The following CSMD2 variants were observed in gnomAD, a reference collection of about 807,000 sequenced individuals.
The protein encoded by CSMD2 is CUB and Sushi multiple domains 2.
Under a neutral mutation model 398.5 loss-of-function variants are expected in CSMD2, and 130 were observed. That is an observed-to-expected ratio of 0.33 (90% CI 0.28 to 0.38). The LOEUF is 0.38. CSMD2 is among the 10% of genes least tolerant of loss of function. The pLI is 1.00. For missense variants in CSMD2, 3,829 were observed against 4,764.9 expected, an observed-to-expected ratio of 0.80 and a Z score of 5.78; for synonymous variants, 1,828 against 1,908.5, an observed-to-expected ratio of 0.96 and a Z score of 1.10.
intron 3 of CSMD2, among the ~76,000 whole-genome samples, chr1:33,956,702 T>G (rs955383666): frequency 6.6e-6 from 1 of 152,140 alleles, no homozygotes; most frequent in Non-Finnish European, 1.5e-5. Flanking sequence ...TTGGCTCCTG[T>G]GCTACCTCCG....
chr1:34,032,578 T>G lies in CSMD2; in HGVS notation c.517+16A>C. On this transcript the variant is annotated intron_variant, in intron 3 of 70. Transcript: ENST00000373381. ...TCACATCTCCGGCTCCTGTGGCCGA[T>G]GAGGGAGGCACTTACCTTCATAGGT... 6.6e-7 allele frequency: 1 copy of G among 1,514,200 alleles called. No homozygotes were observed. 93.8% of individuals were successfully genotyped at this position (1,514,200 alleles called of 1,614,324 possible).
chr1:33,906,455 C>T (rs1010451915), intron 5 of CSMD2, among the ~76,000 whole-genome samples: 1 of 152,068 alleles, frequency 6.6e-6, no homozygotes, highest in Non-Finnish European at 1.5e-5. Flanking sequence ...CTATTACATC[C>T]CTCAAAGAAG....
intron 3 of CSMD2, among the ~76,000 whole-genome samples, chr1:33,954,083 G>T (rs1327716631): frequency 6.6e-6 from 1 of 152,080 alleles, no homozygotes; most frequent in Non-Finnish European, 1.5e-5. Context: ...TTGCTATGTG[G>T]ACCCAGGCAG....
Position 33,622,183 on chromosome 1 carries a change from G to T in CSMD2, c.5811C>A (p.Phe1937Leu). The T allele has an allele frequency of 6.2e-7, 1 of 1,613,800 alleles. No individual in the cohort carries two copies. Among genetic ancestry groups the T allele is most frequent in the Non-Finnish European group, 8.5e-7 (1 of 1,179,698 alleles). The change falls in exon 37 of 71, where the codon TTC becomes TTA. Residue 1937 changes from phenylalanine (F) to leucine (L), a missense_variant. Around this residue, in one of 5 missense-constraint regions of CSMD2, gnomAD observed 2,001 missense variants for 2,567.1 expected, o/e 0.78. Transcript: ENST00000373381. ...YSDISVSAAG[F>L]HLEYKTVGLS... ...GATTCTCACTTTTGTACTCCAAGTG[G>T]AAGCCAGCTGCAGATACGCTGATAT...
chr1:33,722,702 G>T (rs1646397815), intron 19 of CSMD2, among the ~76,000 whole-genome samples: 1 of 150,088 alleles, frequency 6.7e-6, no homozygotes. Context: ...TTTCTATTTA[G>T]TATTTGACTT....
chr1:33,875,826 G>A (rs1015617709), intron 5 of CSMD2, among the ~76,000 whole-genome samples: 2 of 152,204 alleles, frequency 1.3e-5, no homozygotes, highest in African/African-American at 4.8e-5. Context: ...GGGCTGTTAA[G>A]TCATCTTTGT....
chr1:33,590,336 A>G (rs992733094), intron 44 of CSMD2, among the ~76,000 whole-genome samples: 2 of 139,248 alleles, frequency 1.4e-5, no homozygotes, highest in African/African-American at 5.4e-5. Context: ...TCGGGTTTCA[A>G]GATATTGCTC....
intron 12 of CSMD2, among the ~76,000 whole-genome samples, chr1:33,778,193 A>G (rs961209455): frequency 6.6e-6 from 1 of 151,908 alleles, no homozygotes; most frequent in Non-Finnish European, 1.5e-5. Flanking sequence ...TTTGCACCCC[A>G]TTCTTTTTAT....
rs1228889537 is a variant in CSMD2, at chr1:33,605,438, G to A, written c.6376C>T (p.Pro2126Ser). 2 of 1,614,202 alleles carry A rather than the reference G, an allele frequency of 1.2e-6. No individual in the cohort carries two copies. Among genetic ancestry groups the A allele is most frequent in the Admixed American group, 1.7e-5 (1 of 60,034 alleles). ...YELQECPDPE[P>S]FANGIVRGAG... is the part of the protein sequence containing the mutation. ...CCCCTCACAATGCCATTGGCAAAGGGCTCTGGGTCTGGGCACTCTTGAAGT... is the reference window on the plus strand; with the variant it reads ...CCCCTCACAATGCCATTGGCAAAGGACTCTGGGTCTGGGCACTCTTGAAGT... Residue 2126 changes from proline to serine, a missense_variant, in exon 42 of 71, where the codon CCC becomes TCC. By Grantham distance (74) the Pro-to-Ser change is moderately conservative. This residue lies in a region of CSMD2 where 2,001 missense variants were observed against 2,567.1 expected (regional missense o/e 0.78). Transcript: ENST00000373381.
intron 3 of CSMD2, among the ~76,000 whole-genome samples, chr1:34,027,504 A>G (rs138502690): frequency 4.5e-4 from 69 of 152,348 alleles, no homozygotes; most frequent in African/African-American, 1.6e-3. Flanking sequence ...TGACCCAGCA[A>G]TTGCACTTCC....
intron 3 of CSMD2, among the ~76,000 whole-genome samples, chr1:33,953,792 C>T (rs982259821): frequency 6.6e-6 from 1 of 152,154 alleles, no homozygotes. Context: ...GACCCTGCTC[C>T]CTGAGAGATA....
At chr1:34,077,423 A>G (rs1410332955) in intron 2 of CSMD2, among the ~76,000 whole-genome samples, 1 of 112,536 alleles carries the variant, frequency 8.9e-6, no homozygotes. Flanking sequence ...TGCCACTGCA[A>G]TCCGGCCTGG....
chr1:33,643,191 G>A (rs74066666), intron 29 of CSMD2, among the ~76,000 whole-genome samples: 2,166 of 152,276 alleles, frequency 0.014, 47 homozygotes, highest in African/African-American at 0.049. Context: ...TCCTCAGTGG[G>A]CTGCCTCTCC....
intron 4 of CSMD2, among the ~76,000 whole-genome samples, chr1:33,933,414 G>C (rs1165319636): frequency 6.6e-6 from 1 of 152,206 alleles, no homozygotes; most frequent in Non-Finnish European, 1.5e-5. Flanking sequence ...GCTGCATCCA[G>C]TAATTGGATT....
At chr1:33,577,633 G>A in intron 48 of CSMD2, 149 bp from the exon 49 acceptor site, 2 of 626,158 alleles carry the variant, frequency 3.2e-6, no homozygotes, top group South Asian at 3.2e-5. Flanking sequence ...TCTGAATGGT[G>A]GATATTGAAA....
At chr1:34,028,920 G>A (rs1418532345) in intron 3 of CSMD2, among the ~76,000 whole-genome samples, 4 of 152,272 alleles carry the variant, frequency 2.6e-5, no homozygotes, top group South Asian at 4.1e-4. Context: ...GCCGTGGGCT[G>A]ACACTCATCA....
At chr1:33,754,675 C>G (rs1219289159) in intron 13 of CSMD2, among the ~76,000 whole-genome samples, 1 of 152,102 alleles carries the variant, frequency 6.6e-6, no homozygotes, top group Non-Finnish European at 1.5e-5. Context: ...GGTAAAAATA[C>G]ATTTCTCACT....
At position 33,961,424 on chromosome 1, in the gene CSMD2, G is replaced by A. The variant is rs111596811; in HGVS notation, c.518-25470C>T. On this transcript the variant is annotated intron_variant, in intron 3 of 70. Coordinates refer to ENST00000373381, the MANE Select transcript of CSMD2 (RefSeq NM_001281956.2). ...TGCCCTGTCCTGCTTGGAAGGCAAA[G>A]GAGGCCAGTATCTCAGTGACATCTG... 3.5e-4 allele frequency among the ~76,000 whole-genome samples: 54 copies of A among 152,344 alleles called. 5 individuals are homozygous for A. Among genetic ancestry groups the A allele is most frequent in the African/African-American group, 1.3e-3 (52 of 41,586 alleles).
chr1:33,949,767 T>C (rs972892860), intron 3 of CSMD2, among the ~76,000 whole-genome samples: 2 of 152,188 alleles, frequency 1.3e-5, no homozygotes, highest in Non-Finnish European at 2.9e-5. Flanking sequence ...AAGCCCCCAC[T>C]GCTTGCTTTC....
Sources: gnomAD v4.1 joint callset for allele counts (sites outside exome capture counted in the v4.1 genomes callset) on GRCh38, gnomAD v4.1.1 for gene constraint, gnomAD v4.1.1 regional missense constraint, MANE v1.5 for transcripts, NCBI Gene and HGNC (gene_info 2026-07-23, HGNC 2026-07-21) for gene names.